Variants in ROBO1 observed in about 807,000 individuals in gnomAD.
The protein encoded by ROBO1 is roundabout guidance receptor 1.
A neutral mutation model predicts 195.9 loss-of-function variants in ROBO1; 149 were observed. The observed-to-expected ratio is 0.76, with a 90% CI of 0.67 to 0.87. ROBO1 has a LOEUF of 0.87. Ranked by LOEUF, ROBO1 falls within the 40% of genes least tolerant of loss-of-function variation. The pLI, the probability that ROBO1 is intolerant of heterozygous loss-of-function variation, is 0.00. For missense variants in ROBO1, 1,933 were observed against 2,068.3 expected (o/e 0.93, Z 1.27); for synonymous variants, 816 against 733.2 (o/e 1.11, Z -1.82).
chr3:79,269,458 T>C (rs2030321573), intron 2 of ROBO1, among the ~76,000 whole-genome samples: 1 of 151,702 alleles, frequency 6.6e-6, no homozygotes, highest in Admixed American at 6.6e-5. Flanking sequence ...GTTTTTTTAC[T>C]AGTTGGGGAC....
chr3:79,026,472 C>T (rs1169287410), intron 3 of ROBO1, among the ~76,000 whole-genome samples: 1 of 151,986 alleles, frequency 6.6e-6, no homozygotes, highest in Non-Finnish European at 1.5e-5. Context: ...GAAGTATATG[C>T]ATTTTTAGTT....
chr3:79,025,088 A>G (rs1218596035), intron 3 of ROBO1, among the ~76,000 whole-genome samples: 1 of 151,864 alleles, frequency 6.6e-6, no homozygotes. Context: ...CCCTACATTT[A>G]CCTGCTTTTT....
At chr3:79,144,286 C>T (rs2080594867) in intron 2 of ROBO1, among the ~76,000 whole-genome samples, 1 of 152,002 alleles carries the variant, frequency 6.6e-6, no homozygotes, top group South Asian at 2.1e-4. Flanking sequence ...GTCTCACAAT[C>T]AGCCAATCAG....
intron 3 of ROBO1, among the ~76,000 whole-genome samples, chr3:78,995,441 G>C (rs1271225148): frequency 2.6e-5 from 4 of 152,092 alleles, no homozygotes; most frequent in African/African-American, 9.7e-5. Context: ...CTCAGACAGA[G>C]CCATTATCAA....
rs1454091592 is a variant in ROBO1, at chr3:79,534,340, C to T, written c.88+55484G>A. 2.6e-5 allele frequency among the ~76,000 whole-genome samples: 4 copies of T among 151,910 alleles called. No individual in the cohort carries two copies. In the South Asian group the frequency reaches 6.2e-4, roughly 24 times the overall value. On this transcript the variant is annotated intron_variant, in intron 2 of 30. Coordinates refer to ENST00000464233, the MANE Select transcript of ROBO1 (RefSeq NM_002941.4). ...GATTTTATACTACTGAAATAGAAAA[C>T]GAATATGCGACCATTTCTATGTAGA...
intron 2 of ROBO1, among the ~76,000 whole-genome samples, chr3:79,126,464 C>T (rs1403057658): frequency 2.0e-5 from 3 of 152,108 alleles, no homozygotes; most frequent in African/African-American, 7.2e-5. Flanking sequence ...AATGACACTA[C>T]CAAATTTCCC....
chr3:78,599,337 A>ACTT (rs1222520168), intron 30 of ROBO1, among the ~76,000 whole-genome samples: 4 of 152,204 alleles, frequency 2.6e-5, no homozygotes, highest in African/African-American at 9.6e-5. Context: ...CTGAAAAACA[A>ACTT]CTTCTCTGTT....
intron 1 of ROBO1, among the ~76,000 whole-genome samples, chr3:79,723,898 C>G (rs1702804046): frequency 1.3e-5 from 2 of 152,092 alleles, no homozygotes; most frequent in Non-Finnish European, 2.9e-5. Flanking sequence ...TTGAGTTACT[C>G]CAACACTGAC....
At chr3:79,269,660 T>C (rs2030338257) in intron 2 of ROBO1, among the ~76,000 whole-genome samples, 3 of 151,776 alleles carry the variant, frequency 2.0e-5, no homozygotes, top group African/African-American at 7.2e-5. Context: ...ATAATGTGTC[T>C]GTGAATTCTC....
chr3:79,039,378 A>T (rs564759018), intron 3 of ROBO1, among the ~76,000 whole-genome samples: 2 of 152,306 alleles, frequency 1.3e-5, no homozygotes, highest in Admixed American at 1.3e-4. Context: ...TAATTTTAGA[A>T]TTGAATTGTC....
intron 1 of ROBO1, among the ~76,000 whole-genome samples, chr3:79,686,851 G>T (rs915811260): frequency 2.6e-5 from 4 of 152,080 alleles, no homozygotes; most frequent in African/African-American, 4.8e-5. Flanking sequence ...TTTCTTCACA[G>T]AATTGGAAAA....
intron 1 of ROBO1, among the ~76,000 whole-genome samples, chr3:79,610,844 A>C (rs1437787453): frequency 2.0e-5 from 3 of 152,120 alleles, no homozygotes; most frequent in Non-Finnish European, 2.9e-5. Context: ...ACGGAATTGT[A>C]ACACAGGTAT....
chr3:79,351,915 G>T (rs2035358584), intron 2 of ROBO1, among the ~76,000 whole-genome samples: 1 of 152,058 alleles, frequency 6.6e-6, no homozygotes, highest in South Asian at 2.1e-4. Context: ...TGCAGTATGT[G>T]CAACCTGTTT....
intron 4 of ROBO1, among the ~76,000 whole-genome samples, chr3:78,852,313 G>A (rs2034115361): frequency 6.6e-6 from 1 of 152,140 alleles, no homozygotes; most frequent in Non-Finnish European, 1.5e-5. Flanking sequence ...CCAATTAAAT[G>A]AGAATCTTTA....
intron 2 of ROBO1, among the ~76,000 whole-genome samples, chr3:79,185,364 A>G (rs1001072688): frequency 1.3e-5 from 2 of 152,162 alleles, no homozygotes; most frequent in Admixed American, 6.5e-5. Context: ...GCCAGTCAGT[A>G]GAGAGATTTA....
At chr3:79,410,522 T>C (rs1003866855) in intron 2 of ROBO1, among the ~76,000 whole-genome samples, 9 of 151,864 alleles carry the variant, frequency 5.9e-5, no homozygotes, top group African/African-American at 1.9e-4. Context: ...TATTTCAGAA[T>C]GGTGTAAGTA....
intron 3 of ROBO1, among the ~76,000 whole-genome samples, chr3:78,981,562 T>C (rs867840221): frequency 2.6e-5 from 4 of 152,152 alleles, no homozygotes; most frequent in South Asian, 2.1e-4. Context: ...CCAAAACTTC[T>C]CTTAATCTTG....
intron 1 of ROBO1, among the ~76,000 whole-genome samples, chr3:79,699,326 G>GC (rs1057022557): frequency 6.6e-6 from 1 of 151,338 alleles, no homozygotes; most frequent in Middle Eastern, 3.4e-3. Context: ...AGCACAGGGA[G>GC]CGCCCCCTAC....
At chr3:79,145,862 G>A (rs994560578) in intron 2 of ROBO1, among the ~76,000 whole-genome samples, 2 of 151,970 alleles carry the variant, frequency 1.3e-5, no homozygotes, top group Non-Finnish European at 2.9e-5. Flanking sequence ...CATCTTTACA[G>A]TGTTCTTTGA....
Sources: allele counts gnomAD v4.1 joint callset (sites outside exome capture counted in the v4.1 genomes callset), GRCh38; gene constraint gnomAD v4.1.1; transcripts MANE v1.5; gene names NCBI Gene and HGNC (gene_info 2026-07-23, HGNC 2026-07-21).